The following ENOX1 variants were observed in gnomAD, a reference collection of about 807,000 sequenced individuals.
ENOX1 encodes ecto-NOX disulfide-thiol exchanger 1.
ENOX1 carries 42 observed loss-of-function variants against 82.5 expected under a neutral mutation model. The observed-to-expected ratio is 0.51, with a 90% CI of 0.40 to 0.66. The LOEUF (loss-of-function observed/expected upper bound fraction) is 0.66, where lower values mean the gene tolerates loss of function less well. Ranked by LOEUF, ENOX1 falls within the 30% of genes least tolerant of loss-of-function variation. The pLI is 0.00. For synonymous variants in ENOX1, 271 were observed against 282.2 expected, an observed-to-expected ratio of 0.96 and a Z score of 0.40; for missense variants, 608 against 811.6, an observed-to-expected ratio of 0.75 and a Z score of 3.05.
At chr13:43,514,892 G>A (rs1284400461) in intron 2 of ENOX1, among the ~76,000 whole-genome samples, 1 of 152,012 alleles carries the variant, frequency 6.6e-6, no homozygotes, top group African/African-American at 2.4e-5. Context: ...AGCTCCAACT[G>A]TAGCCCCCCC....
chr13:43,736,374 T>C (rs1237685207), intron 1 of ENOX1, among the ~76,000 whole-genome samples: 2 of 152,220 alleles, frequency 1.3e-5, no homozygotes, highest in Non-Finnish European at 2.9e-5. Context: ...CAGAATTATA[T>C]AAGCCTGAAC....
chr13:43,555,770 A>C (rs1470439202), intron 2 of ENOX1, among the ~76,000 whole-genome samples: 1 of 152,224 alleles, frequency 6.6e-6, no homozygotes, highest in Non-Finnish European at 1.5e-5. Flanking sequence ...ATGTGCTAAG[A>C]GTTTAGAATC....
chr13:43,326,163 C>T (rs1555321277), intron 10 of ENOX1, among the ~76,000 whole-genome samples: 2 of 151,962 alleles, frequency 1.3e-5, no homozygotes, highest in Non-Finnish European at 2.9e-5. Flanking sequence ...TGGTTTATTT[C>T]TGAAATCTTT....
chr13:43,783,193 G>A (rs1367736404), intron 1 of ENOX1, among the ~76,000 whole-genome samples: 1 of 152,158 alleles, frequency 6.6e-6, no homozygotes, highest in Non-Finnish European at 1.5e-5. Flanking sequence ...AAGGGACTGG[G>A]CTTCCCAGTT....
intron 15 of ENOX1, among the ~76,000 whole-genome samples, chr13:43,233,839 C>A (rs1463625295): frequency 1.3e-5 from 2 of 152,170 alleles, no homozygotes; most frequent in Non-Finnish European, 2.9e-5. Flanking sequence ...GCCTTCTAGG[C>A]TGGCCTAGAG....
rs537790459 is a variant in ENOX1 at position 43,443,244 on chromosome 13, C to T, written c.-74-30256G>A. On this transcript the variant is annotated intron_variant, in intron 3 of 16. Transcript: ENST00000690772. ...CTGTGACCAAAAATTCTGTTCAATTCGGATGTGGGGAGCAAATAAATGACC... is the reference window on the plus strand; with the variant it reads ...CTGTGACCAAAAATTCTGTTCAATTTGGATGTGGGGAGCAAATAAATGACC... Among the ~76,000 whole-genome samples the T allele has an allele frequency of 7.9e-5, 12 of 152,178 alleles. 1 individual carries two copies. The East Asian group carries it at 2.1e-3, about 27-fold the overall frequency.
intron 2 of ENOX1, among the ~76,000 whole-genome samples, chr13:43,584,746 C>T (rs1213109899): frequency 6.6e-6 from 1 of 152,192 alleles, no homozygotes; most frequent in Non-Finnish European, 1.5e-5. Context: ...GTCGACATCA[C>T]CAGCACTTTG....
At chr13:43,502,531 CT>C (rs1424080453) in intron 2 of ENOX1, among the ~76,000 whole-genome samples, 2 of 151,576 alleles carry the variant, frequency 1.3e-5, no homozygotes, top group Non-Finnish European at 3.0e-5. Context: ...GGATTTATTC[CT>C]GGGATGCAAG....
At chr13:43,360,690 A>C (rs1311938974) in intron 6 of ENOX1, among the ~76,000 whole-genome samples, 1 of 144,842 alleles carries the variant, frequency 6.9e-6, no homozygotes, top group Admixed American at 7.1e-5. Context: ...TAAAAAAGGC[A>C]ACACTGATTA....
At chr13:43,704,674 G>T (rs1026594304) in intron 1 of ENOX1, among the ~76,000 whole-genome samples, 1 of 152,104 alleles carries the variant, frequency 6.6e-6, no homozygotes, top group African/African-American at 2.4e-5. Context: ...CCTGAATCCC[G>T]CATTTAAATC....
chr13:43,437,335 A>G (rs1192550167), intron 3 of ENOX1, among the ~76,000 whole-genome samples: 1 of 152,204 alleles, frequency 6.6e-6, no homozygotes, highest in Non-Finnish European at 1.5e-5. Context: ...AGCTAGCATC[A>G]GACATTCACA....
At chr13:43,698,758 C>T (rs1208223091) in intron 1 of ENOX1, among the ~76,000 whole-genome samples, 2 of 152,146 alleles carry the variant, frequency 1.3e-5, no homozygotes, top group Admixed American at 6.5e-5. Flanking sequence ...CAAGTCTCTG[C>T]ACACTTCACT....
intron 2 of ENOX1, among the ~76,000 whole-genome samples, chr13:43,525,449 C>A (rs1049953083): frequency 6.6e-6 from 1 of 152,150 alleles, no homozygotes; most frequent in Non-Finnish European, 1.5e-5. Context: ...TTTCACTTAA[C>A]ATAATATTCT....
At chr13:43,642,351 C>A (rs2083691530) in intron 2 of ENOX1, among the ~76,000 whole-genome samples, 1 of 152,072 alleles carries the variant, frequency 6.6e-6, no homozygotes, top group Non-Finnish European at 1.5e-5. Context: ...AAAAATACTA[C>A]CCACACTGAG....
At chr13:43,306,170 T>C (rs1396183053) in intron 11 of ENOX1, among the ~76,000 whole-genome samples, 2 of 152,162 alleles carry the variant, frequency 1.3e-5, no homozygotes, top group Admixed American at 1.3e-4. Context: ...ATTGAAAAGC[T>C]GAAGGAAAGC....
intron 1 of ENOX1, among the ~76,000 whole-genome samples, chr13:43,777,388 C>T (rs954342139): frequency 1.3e-5 from 2 of 152,110 alleles, no homozygotes; most frequent in Non-Finnish European, 2.9e-5. Context: ...TGCGCACACA[C>T]GTACACACAC....
chr13:43,553,331 CTACTT>C (rs1483886040), intron 2 of ENOX1, among the ~76,000 whole-genome samples: 3 of 152,202 alleles, frequency 2.0e-5, no homozygotes, highest in African/African-American at 7.2e-5. Flanking sequence ...CACCATTTTG[CTACTT>C]TACTTCTCAA....
chr13:43,377,308 T>A (rs2051708089), intron 5 of ENOX1, among the ~76,000 whole-genome samples: 1 of 152,184 alleles, frequency 6.6e-6, no homozygotes, highest in South Asian at 2.1e-4. Context: ...TACCATGGAA[T>A]GATGCAACAA....
At chr13:43,783,743 A>G (rs904756350) in intron 1 of ENOX1, among the ~76,000 whole-genome samples, 4 of 152,194 alleles carry the variant, frequency 2.6e-5, no homozygotes, top group Admixed American at 2.6e-4. Context: ...CCAATCTTGC[A>G]TTTTTCAGTT....
Sources: gnomAD v4.1 joint callset for allele counts (sites outside exome capture counted in the v4.1 genomes callset) on GRCh38, gnomAD v4.1.1 for gene constraint, MANE v1.5 for transcripts, NCBI Gene and HGNC (gene_info 2026-07-23, HGNC 2026-07-21) for gene names.